The following MKLN1 variants were observed in gnomAD, a reference collection of about 807,000 sequenced individuals.
MKLN1 encodes muskelin 1, also known as muskelin.
A neutral mutation model predicts 99.0 loss-of-function variants in MKLN1; 18 were observed. The ratio of observed to expected loss-of-function variants is 0.18; its 90% CI spans 0.13 to 0.27. The LOEUF is 0.27. MKLN1 is among the 10% of genes least tolerant of loss of function. MKLN1 has a pLI of 1.00. For missense variants in MKLN1, 621 were observed against 875.9 expected (o/e 0.71, Z 3.67); for synonymous variants, 288 against 293.2 (o/e 0.98, Z 0.18).
At chr7:131,393,579 A>C (rs2116199308) in intron 4 of MKLN1, among the ~76,000 whole-genome samples, 1 of 152,308 alleles carries the variant, frequency 6.6e-6, no homozygotes, top group South Asian at 2.1e-4. Flanking sequence ...ATTGGGTAAC[A>C]GATTAAATTT....
At chr7:131,206,534 A>AATT (rs559998648) in intron 3 of MKLN1, among the ~76,000 whole-genome samples, 1 of 148,348 alleles carries the variant, frequency 6.7e-6, no homozygotes, top group Non-Finnish European at 1.5e-5. Flanking sequence ...GTATGTGTAT[A>AATT]ATTATTATTA....
chr7:131,483,948 T>G (rs1015176824), intron 17 of MKLN1, among the ~76,000 whole-genome samples: 11 of 152,218 alleles, frequency 7.2e-5, no homozygotes, highest in Non-Finnish European at 2.9e-5. Context: ...ATGATCAAGA[T>G]CAACTGTATA....
intron 2 of MKLN1, among the ~76,000 whole-genome samples, chr7:131,180,425 G>A (rs1037477182): frequency 6.6e-6 from 1 of 152,168 alleles, no homozygotes; most frequent in Non-Finnish European, 1.5e-5. Context: ...AAGGCCGGGC[G>A]CAGTGGCTCA....
chr7:131,472,242 A>G (rs1796839750), intron 16 of MKLN1: 1 of 152,220 alleles, frequency 6.6e-6, no homozygotes, highest in Non-Finnish European at 1.5e-5. Flanking sequence ...TCCATATTCT[A>G]TGTAAAATAG....
chr7:131,278,709 C>T (rs942685944), intron 3 of MKLN1, among the ~76,000 whole-genome samples: 7 of 152,068 alleles, frequency 4.6e-5, no homozygotes, highest in Admixed American at 4.6e-4. Context: ...CCTCCCAGCT[C>T]AGCCTCCCCA....
intron 1 of MKLN1, among the ~76,000 whole-genome samples, chr7:131,140,357 C>T (rs1193128959): frequency 1.3e-5 from 2 of 152,094 alleles, no homozygotes; most frequent in Admixed American, 6.5e-5. Context: ...TGTCATATAG[C>T]TTGGATATTT....
chr7:131,266,964 T>G (rs1329952887), intron 3 of MKLN1, among the ~76,000 whole-genome samples: 1 of 151,970 alleles, frequency 6.6e-6, no homozygotes, highest in African/African-American at 2.4e-5. Flanking sequence ...AATAGAATTT[T>G]TTTTTTCCCA....
rs547734277 is a variant in MKLN1 at position 131,210,240 on chromosome 7, T to C, written c.-179+7266T>C. The stretch of plus-strand genomic sequence containing the variant: ...CATAGGATTATAGCACTAGAAAACA[T>C]GAAGCATTGGCTGGGCATGGTGGCT... On this transcript the variant is annotated intron_variant, in intron 3 of 7. Transcript: ENST00000416992. 9.2e-5 allele frequency among the ~76,000 whole-genome samples: 14 copies of C among 152,192 alleles called. 1 individual carries two copies. The South Asian group carries it at 2.9e-3, about 32-fold the overall frequency.
At chr7:131,150,845 C>T (rs769879796) in intron 2 of MKLN1, among the ~76,000 whole-genome samples, 5 of 151,394 alleles carry the variant, frequency 3.3e-5, no homozygotes, top group South Asian at 2.1e-4. Context: ...TAGGAGAAAA[C>T]GTGAACAAGC....
chr7:131,166,173 G>C (rs1796121164), intron 2 of MKLN1, among the ~76,000 whole-genome samples: 2 of 152,224 alleles, frequency 1.3e-5, no homozygotes, highest in South Asian at 4.1e-4. Context: ...AAATGCAAGA[G>C]ACATTCCAGA....
chr7:131,294,632 G>A (rs1473631317), intron 3 of MKLN1, among the ~76,000 whole-genome samples: 1 of 152,166 alleles, frequency 6.6e-6, no homozygotes, highest in African/African-American at 2.4e-5. Context: ...GAGAGCTAGG[G>A]CTGAGGAAGG....
At position 131,494,135 on chromosome 7, in the gene MKLN1, C is replaced by T. The variant is rs946663755; in HGVS notation, c.*6407C>T. On this transcript the variant is annotated 3_prime_UTR_variant, in exon 18 of 18. Transcript: ENST00000352689. ...AATTGAACTGATACTAGTTTCCTTG[C>T]CTTAAATTAATTATATGTCATCCCA... 6 of 152,128 alleles carry T rather than the reference C, an allele frequency of 3.9e-5. No homozygotes were observed. Among genetic ancestry groups the T allele is most frequent in the African/African-American group, 1.2e-4 (5 of 41,440 alleles). 9.4% of individuals were successfully genotyped at this position (152,128 alleles called of 1,614,324 possible). A position where few individuals can be genotyped will look rare whatever the true frequency, so the allele number is the denominator to read the frequency against.
intron 6 of MKLN1, among the ~76,000 whole-genome samples, chr7:131,400,388 T>C (rs1172080182): frequency 1.3e-5 from 2 of 151,814 alleles, no homozygotes; most frequent in Non-Finnish European, 2.9e-5. Context: ...TGCATTGTTA[T>C]TGCTTACTTG....
chr7:131,373,025 T>C (rs900277212), intron 1 of MKLN1, among the ~76,000 whole-genome samples: 2 of 152,122 alleles, frequency 1.3e-5, no homozygotes, highest in Non-Finnish European at 2.9e-5. Context: ...TAGAAGAGTG[T>C]CTGGGACTCA....
intron 4 of MKLN1, 127 bp downstream of exon 4, chr7:131,389,099 G>T (rs760682021): frequency 5.2e-6 from 3 of 577,752 alleles, no homozygotes; most frequent in East Asian, 5.9e-5. Flanking sequence ...ATATTGCTGC[G>T]CTGGTTTGTT....
chr7:131,400,410 T>C (rs1189751985), intron 6 of MKLN1, among the ~76,000 whole-genome samples: 3 of 151,602 alleles, frequency 2.0e-5, no homozygotes, highest in Non-Finnish European at 4.4e-5. Context: ...TTGATGATGA[T>C]ACTTGCAAAT....
chr7:131,338,173 C>G (rs1799304998), intron 1 of MKLN1, among the ~76,000 whole-genome samples: 1 of 152,184 alleles, frequency 6.6e-6, no homozygotes, highest in African/African-American at 2.4e-5. Flanking sequence ...TTGCTTTCTG[C>G]TGGCTTTTTA....
rs1799404104 is a variant in MKLN1, at chr7:131,341,403, G to A, written c.98+13406G>A. Reference sequence around the variant, plus strand: ...AACTACTTTTGGTGTGTATAGATTTGCCTATTTAAGACATTTTCTATAAAT... The same window carrying A: ...AACTACTTTTGGTGTGTATAGATTTACCTATTTAAGACATTTTCTATAAAT... On this transcript the variant is annotated intron_variant, in intron 1 of 17. Coordinates refer to ENST00000352689, the MANE Select transcript of MKLN1 (RefSeq NM_013255.5). Among the ~76,000 whole-genome samples, 4 of 151,986 alleles carry A rather than the reference G, an allele frequency of 2.6e-5. No individual in the cohort carries two copies. In the South Asian group the frequency reaches 8.3e-4, roughly 32 times the overall value.
intron 1 of MKLN1, among the ~76,000 whole-genome samples, chr7:131,359,768 C>T (rs915487166): frequency 8.6e-5 from 13 of 151,580 alleles, no homozygotes; most frequent in Admixed American, 6.6e-4. Context: ...GGGTTTCACT[C>T]TGTCACCCAG....
Sources: gnomAD v4.1 joint callset for allele counts (sites outside exome capture counted in the v4.1 genomes callset) on GRCh38, gnomAD v4.1.1 for gene constraint, MANE v1.5 for transcripts, NCBI Gene and HGNC (gene_info 2026-07-23, HGNC 2026-07-21) for gene names.